Variants in GALNT13 observed in about 807,000 individuals in gnomAD.
The protein encoded by GALNT13 is UDP-GalNAc:polypeptide N-acetylgalactosaminyltransferase 13.
In GALNT13, 28 loss-of-function variants were observed where a neutral mutation model predicts 64.2. The ratio of observed to expected loss-of-function variants is 0.44; its 90% CI spans 0.32 to 0.60. The LOEUF is 0.60. Ranked by LOEUF, GALNT13 falls within the 20% of genes least tolerant of loss-of-function variation. GALNT13 has a pLI of 0.05. For synonymous variants in GALNT13, 214 were observed against 224.6 expected (o/e 0.95, Z 0.42); for missense variants, 577 against 669.8 (o/e 0.86, Z 1.53).
the GALNT13 span, among the ~76,000 whole-genome samples, chr2:153,193,523 C>T: frequency 1.3e-5 from 2 of 151,494 alleles, no homozygotes; most frequent in Non-Finnish European, 2.9e-5. Context: ...GTGCAGTGCA[C>T]CAGCACGGCA....
the GALNT13 span, among the ~76,000 whole-genome samples, chr2:153,845,364 G>A: frequency 6.6e-6 from 1 of 152,152 alleles, no homozygotes; most frequent in East Asian, 1.9e-4. Flanking sequence ...AGTGAAGGGG[G>A]AGCAGGCACA....
At chr2:153,247,632 C>T in the GALNT13 span, among the ~76,000 whole-genome samples, 1 of 152,040 alleles carries the variant, frequency 6.6e-6, no homozygotes, top group Non-Finnish European at 1.5e-5. Context: ...TCAGTTGACA[C>T]CCTAATATCA....
chr2:153,273,399 C>G, the GALNT13 span, among the ~76,000 whole-genome samples: 9 of 152,258 alleles, frequency 5.9e-5, no homozygotes, highest in Middle Eastern at 3.4e-3. Context: ...CTGCTTCTTC[C>G]TACTTTGTCT....
the GALNT13 span, among the ~76,000 whole-genome samples, chr2:153,814,663 A>G: frequency 6.6e-6 from 1 of 152,122 alleles, no homozygotes; most frequent in Admixed American, 6.5e-5. Flanking sequence ...TCCAGAAAGT[A>G]ATGCATCACA....
the GALNT13 span, among the ~76,000 whole-genome samples, chr2:153,634,542 C>CTTTTTT: frequency 1.4e-4 from 13 of 91,240 alleles, 1 homozygote; most frequent in South Asian, 8.4e-4. Context: ...AGATGGAAAT[C>CTTTTTT]TTTTTTTTTT....
intron 3 of GALNT13, among the ~76,000 whole-genome samples, chr2:154,026,921 A>G (rs984224464): frequency 1.3e-5 from 2 of 152,138 alleles, no homozygotes; most frequent in Non-Finnish European, 2.9e-5. Flanking sequence ...CCGGAGAAGG[A>G]ATGGAAAAGG....
At chr2:153,711,296 A>G in the GALNT13 span, among the ~76,000 whole-genome samples, 4 of 152,152 alleles carry the variant, frequency 2.6e-5, no homozygotes, top group African/African-American at 9.7e-5. Context: ...AACATTAACT[A>G]AAATCTGGCC....
At chr2:153,397,765 C>T in the GALNT13 span, among the ~76,000 whole-genome samples, 2 of 152,150 alleles carry the variant, frequency 1.3e-5, no homozygotes, top group Middle Eastern at 3.4e-3. Flanking sequence ...ATTCGGTCTT[C>T]CATCCTAGCA....
intron 9 of GALNT13, among the ~76,000 whole-genome samples, chr2:154,359,649 C>T (rs769496860): frequency 6.6e-6 from 1 of 152,074 alleles, no homozygotes; most frequent in Non-Finnish European, 1.5e-5. Context: ...CGTTCTTCCT[C>T]CAAAATGGCC....
At chr2:153,215,057 A>G in the GALNT13 span, among the ~76,000 whole-genome samples, 1 of 152,130 alleles carries the variant, frequency 6.6e-6, no homozygotes, top group Admixed American at 6.5e-5. Context: ...CTTCCTCTGG[A>G]ATGTCTTAAT....
intron 2 of GALNT13, among the ~76,000 whole-genome samples, chr2:153,905,053 T>G (rs1688466491): frequency 6.6e-6 from 1 of 151,992 alleles, no homozygotes; most frequent in Admixed American, 6.6e-5. Context: ...ATGGCTACTT[T>G]TTAAATATTC....
chr2:153,507,031 A>C, the GALNT13 span, among the ~76,000 whole-genome samples: 1 of 152,110 alleles, frequency 6.6e-6, no homozygotes, highest in Non-Finnish European at 1.5e-5. Context: ...GGCTTGGTTC[A>C]TTTTTTAAAA....
the GALNT13 span, among the ~76,000 whole-genome samples, chr2:153,359,811 G>A: frequency 6.6e-6 from 1 of 152,226 alleles, no homozygotes; most frequent in East Asian, 1.9e-4. Context: ...ATGGAAAAAT[G>A]TGGACAACAT....
chr2:153,818,886 T>TTTA, the GALNT13 span, among the ~76,000 whole-genome samples: 45 of 152,076 alleles, frequency 3.0e-4, no homozygotes, highest in African/African-American at 1.0e-3. Context: ...TACCTAAGTA[T>TTTA]CCTACTTAAC....
chr2:153,803,110 C>A, the GALNT13 span, among the ~76,000 whole-genome samples: 4 of 152,158 alleles, frequency 2.6e-5, no homozygotes. Context: ...CCTGTAATTT[C>A]AGGGTGCCAC....
At chr2:154,362,555 A>T (rs919343568) in intron 9 of GALNT13, among the ~76,000 whole-genome samples, 1 of 152,004 alleles carries the variant, frequency 6.6e-6, no homozygotes, top group Non-Finnish European at 1.5e-5. Flanking sequence ...AGTCAAAGTC[A>T]TCTTAAACTA....
chr2:153,666,306 TACAG>T, the GALNT13 span, among the ~76,000 whole-genome samples: 1 of 152,076 alleles, frequency 6.6e-6, no homozygotes, highest in African/African-American at 2.4e-5. Flanking sequence ...CACACACAAT[TACAG>T]ACCCTGATAC....
chr2:154,347,588 T>C (rs1285192935), intron 9 of GALNT13, among the ~76,000 whole-genome samples: 1 of 152,152 alleles, frequency 6.6e-6, no homozygotes, highest in African/African-American at 2.4e-5. Context: ...TTGGAGCAAA[T>C]ACAATTAAGA....
the GALNT13 span, among the ~76,000 whole-genome samples, chr2:153,716,895 T>C: frequency 1.5e-3 from 224 of 152,268 alleles, no homozygotes; most frequent in African/African-American, 5.2e-3. Flanking sequence ...AAGGGAAATA[T>C]TTTCATGTTC....
Sources: allele counts gnomAD v4.1 joint callset (sites outside exome capture counted in the v4.1 genomes callset), GRCh38; gene constraint gnomAD v4.1.1; transcripts MANE v1.5; gene names NCBI Gene and HGNC (gene_info 2026-07-23, HGNC 2026-07-21).